The following CNTNAP2 variants were observed in gnomAD, a reference collection of about 807,000 sequenced individuals.
CNTNAP2 encodes the protein contactin associated protein 2, also known as contactin-associated protein-like 2.
In CNTNAP2, 98 loss-of-function variants were observed where a neutral mutation model predicts 155.2. That is an observed-to-expected ratio of 0.63 (90% confidence interval 0.54 to 0.75). The LOEUF (loss-of-function observed/expected upper bound fraction) is 0.75, where lower values mean the gene tolerates loss of function less well. CNTNAP2 is among the 30% of genes least tolerant of loss of function. The pLI is 0.00. For synonymous variants in CNTNAP2, 651 were observed against 631.2 expected (o/e 1.03, Z -0.47); for missense variants, 1,727 against 1,688.1 (o/e 1.02, Z -0.40).
At chr7:146,286,951 A>G (rs1442475046) in intron 1 of CNTNAP2, among the ~76,000 whole-genome samples, 1 of 152,134 alleles carries the variant, frequency 6.6e-6, no homozygotes, top group Admixed American at 6.5e-5. Flanking sequence ...CAAAAACAAA[A>G]CAAAGGAACA....
At chr7:148,367,604 C>A (rs1262355689) in intron 21 of CNTNAP2, among the ~76,000 whole-genome samples, 3 of 152,044 alleles carry the variant, frequency 2.0e-5, no homozygotes, top group Admixed American at 6.6e-5. Context: ...GCTGGAAATA[C>A]TGAAATGGGC....
At chr7:146,575,777 A>G (rs776770486) in intron 1 of CNTNAP2, among the ~76,000 whole-genome samples, 2 of 152,354 alleles carry the variant, frequency 1.3e-5, no homozygotes, top group Non-Finnish European at 2.9e-5. Flanking sequence ...AGAAAAATAT[A>G]AGAATGCAAC....
chr7:146,756,856 G>A lies in CNTNAP2; in HGVS notation c.98-17415G>A, dbSNP rs143968352. On this transcript the variant is annotated intron_variant, in intron 1 of 23. Transcript: ENST00000361727. ...AATGAATACAGACATATTTTAAATA[G>A]TACTAAACATTTGTGTTATAACACG... is the stretch of plus-strand genomic sequence containing the variant. Among the ~76,000 whole-genome samples the A allele has an allele frequency of 3.1e-3, 468 of 152,094 alleles. 1 individual carries two copies. The highest frequency in any genetic ancestry group is 0.023 in the East Asian group (119 of 5,180).
intron 3 of CNTNAP2, among the ~76,000 whole-genome samples, chr7:146,951,679 C>A (rs770366922): frequency 6.6e-6 from 1 of 152,154 alleles, no homozygotes; most frequent in Non-Finnish European, 1.5e-5. Flanking sequence ...CAGTACCATG[C>A]TGTTTTGGTT....
At chr7:146,550,722 C>T (rs1030277015) in intron 1 of CNTNAP2, among the ~76,000 whole-genome samples, 2 of 151,930 alleles carry the variant, frequency 1.3e-5, no homozygotes, top group African/African-American at 4.8e-5. Context: ...AGAACTTATT[C>T]CTCTCTTTTT....
At chr7:148,183,411 T>A (rs1419585057) in intron 18 of CNTNAP2, among the ~76,000 whole-genome samples, 1 of 151,292 alleles carries the variant, frequency 6.6e-6, no homozygotes, top group East Asian at 2.0e-4. Flanking sequence ...TTTTAAAGCA[T>A]CTCAATTTTT....
chr7:146,925,233 T>A (rs1796583240), intron 3 of CNTNAP2, among the ~76,000 whole-genome samples: 1 of 152,236 alleles, frequency 6.6e-6, no homozygotes, highest in East Asian at 1.9e-4. Context: ...AATTTTCCCA[T>A]CATATATATA....
At chr7:147,725,649 G>A (rs1241195099) in intron 13 of CNTNAP2, among the ~76,000 whole-genome samples, 2 of 152,036 alleles carry the variant, frequency 1.3e-5, no homozygotes, top group East Asian at 1.9e-4. Flanking sequence ...AACTGTGAAC[G>A]TGATTTCCCC....
chr7:146,951,779 T>C (rs1265556710), intron 3 of CNTNAP2, among the ~76,000 whole-genome samples: 1 of 152,202 alleles, frequency 6.6e-6, no homozygotes, highest in Non-Finnish European at 1.5e-5. Flanking sequence ...CTATACGGGC[T>C]CTTTTTTGTT....
At chr7:147,560,458 A>G (rs1800041266) in intron 11 of CNTNAP2, among the ~76,000 whole-genome samples, 1 of 152,242 alleles carries the variant, frequency 6.6e-6, no homozygotes, top group African/African-American at 2.4e-5. Context: ...TTGGTATGAC[A>G]TTCTGAATTA....
chr7:148,161,939 A>T (rs1274714778), intron 17 of CNTNAP2, among the ~76,000 whole-genome samples: 1 of 152,088 alleles, frequency 6.6e-6, no homozygotes, highest in Non-Finnish European at 1.5e-5. Flanking sequence ...GATGGCTGAC[A>T]TACCCATGAG....
chr7:147,546,121 T>G (rs772764621), intron 11 of CNTNAP2, among the ~76,000 whole-genome samples: 1 of 152,162 alleles, frequency 6.6e-6, no homozygotes, highest in Non-Finnish European at 1.5e-5. Context: ...AACAGACTAA[T>G]CAAATCACAT....
intron 8 of CNTNAP2, among the ~76,000 whole-genome samples, chr7:147,175,677 G>T (rs1282333310): frequency 6.6e-6 from 1 of 152,130 alleles, no homozygotes; most frequent in Non-Finnish European, 1.5e-5. Context: ...TCATGAGGGA[G>T]TATGCAGCCA....
chr7:146,483,523 G>A (rs990680523), intron 1 of CNTNAP2, among the ~76,000 whole-genome samples: 3 of 149,826 alleles, frequency 2.0e-5, no homozygotes, highest in Non-Finnish European at 4.4e-5. Flanking sequence ...GTGTGTGTGT[G>A]TAATTTTTTT....
intron 23 of CNTNAP2, among the ~76,000 whole-genome samples, chr7:148,414,269 C>T (rs561357207): frequency 3.3e-5 from 5 of 151,992 alleles, no homozygotes; most frequent in East Asian, 3.9e-4. Context: ...TATAAAAGAC[C>T]GGGTTTCACC....
chr7:146,486,692 A>G (rs1797063419), intron 1 of CNTNAP2, among the ~76,000 whole-genome samples: 1 of 152,188 alleles, frequency 6.6e-6, no homozygotes, highest in Admixed American at 6.5e-5. Context: ...TAAATGTGAC[A>G]GATCTGGGAG....
chr7:147,632,457 A>G (rs1298614494), intron 12 of CNTNAP2, among the ~76,000 whole-genome samples: 1 of 152,104 alleles, frequency 6.6e-6, no homozygotes, highest in Non-Finnish European at 1.5e-5. Context: ...ATGGTTTTAT[A>G]AGGGGCTTTT....
chr7:146,895,838 A>G (rs905331202), intron 3 of CNTNAP2, among the ~76,000 whole-genome samples: 3 of 152,102 alleles, frequency 2.0e-5, no homozygotes, highest in East Asian at 3.9e-4. Flanking sequence ...TTTGAGCTTC[A>G]GTCCCCGACG....
At chr7:148,187,086 CT>C (rs1353515261) in intron 18 of CNTNAP2, among the ~76,000 whole-genome samples, 2 of 150,596 alleles carry the variant, frequency 1.3e-5, no homozygotes, top group Non-Finnish European at 1.5e-5. Context: ...GAGGCCCTCT[CT>C]GTGCGGTTGA....
Sources: allele counts gnomAD v4.1 joint callset (sites outside exome capture counted in the v4.1 genomes callset), GRCh38; gene constraint gnomAD v4.1.1; transcripts MANE v1.5; gene names NCBI Gene and HGNC (gene_info 2026-07-23, HGNC 2026-07-21).